The following NUP43 variants were observed in gnomAD, a reference collection of about 807,000 sequenced individuals.
NUP43 encodes the protein nucleoporin 43.
Under a neutral mutation model 47.3 loss-of-function variants are expected in NUP43, and 32 were observed. The observed-to-expected ratio is 0.68, with a 90% CI of 0.51 to 0.91. The LOEUF is 0.91. NUP43 is among the 40% of genes least tolerant of loss of function. NUP43 has a pLI of 0.00. For missense variants in NUP43, 444 were observed against 453.9 expected (o/e 0.98, Z 0.20); for synonymous variants, 147 against 158.4 (o/e 0.93, Z 0.54).
upstream of NUP43, among the ~76,000 whole-genome samples, chr6:149,748,974 G>A (rs1786172637): frequency 6.6e-6 from 1 of 152,284 alleles, no homozygotes; most frequent in Admixed American, 6.5e-5. Context: ...AAGCCACGGT[G>A]GAATTTGTGA....
chr6:149,739,800 C>T (rs1450144202), intron 4 of NUP43, among the ~76,000 whole-genome samples: 3 of 152,118 alleles, frequency 2.0e-5, no homozygotes, highest in Non-Finnish European at 4.4e-5. Context: ...GCAGACTCAT[C>T]CCAAATCTAC....
intron 3 of NUP43, 51 bp from the exon 4 acceptor site, chr6:149,742,621 C>T: frequency 7.5e-7 from 1 of 1,324,894 alleles, no homozygotes; most frequent in Non-Finnish European, 1.1e-6. Context: ...AAGGAATTAG[C>T]ACTTCTTCCC....
chr6:149,744,910 T>TTTA (rs1477318225), intron 2 of NUP43, among the ~76,000 whole-genome samples: 3 of 150,330 alleles, frequency 2.0e-5, no homozygotes, highest in Admixed American at 6.6e-5. Context: ...TATTTATTTA[T>TTTA]TTATTATTAT....
At chr6:149,730,329 A>G (rs1429653400) in intron 7 of NUP43, among the ~76,000 whole-genome samples, 1 of 152,154 alleles carries the variant, frequency 6.6e-6, no homozygotes, top group Non-Finnish European at 1.5e-5. Flanking sequence ...CCATTTAACC[A>G]GTACCCTCAG....
At chr6:149,728,236 T>TC in intron 7 of NUP43, 1 of 977,972 alleles carries the variant, frequency 1.0e-6, no homozygotes, top group Non-Finnish European at 1.2e-6. Context: ...TTTTACTTTT[T>TC]CACAGTGTCT....
At chr6:149,743,579 A>G in intron 3 of NUP43, 59 bp downstream of exon 3, 1 of 1,119,986 alleles carries the variant, frequency 8.9e-7, no homozygotes, top group Non-Finnish European at 1.3e-6. Context: ...CGCGGGCAAC[A>G]AGAGCAAAAC....
intron 5 of NUP43, among the ~76,000 whole-genome samples, chr6:149,738,264 T>G (rs549048156): frequency 2.0e-5 from 3 of 152,334 alleles, no homozygotes; most frequent in African/African-American, 7.2e-5. Flanking sequence ...ACATTCTATT[T>G]TCTTACGAGA....
In NUP43 at chr6:149,742,540, C is replaced by G; in HGVS notation, c.352G>C (p.Ala118Pro). Residue 118 changes from alanine to proline, a missense_variant, in exon 4 of 8, where the codon GCT becomes CCT. By Grantham distance (27) the Ala-to-Pro change is conservative. Transcript: ENST00000340413. Reference sequence around the variant, plus strand: ...CTGCCAGGGCCTGTGTGGTAGTGAGCTGTAGTCCACTGCTGGTTGACTGAC... The same window carrying G: ...CTGCCAGGGCCTGTGTGGTAGTGAGGTGTAGTCCACTGCTGGTTGACTGAC... The part of the protein sequence containing the change: ...TLSVNQQWTT[A>P]HYHTGPGSPS... 6.2e-7 allele frequency: 1 copy of G among 1,614,120 alleles called. No individual in the cohort carries two copies. The highest frequency in any genetic ancestry group is 1.1e-5 in the South Asian group (1 of 91,086).
In NUP43 at chr6:149,731,496, G is replaced by A; in HGVS notation, c.913+117C>T. ...GAGAATCGCTTGAACCCAGGAGGCG[G>A]AGGTTGCAGTGAGCTGAGATCGTGC... is the stretch of plus-strand genomic sequence containing the variant. On this transcript the variant is annotated intron_variant, in intron 7 of 7. Coordinates refer to ENST00000340413, the MANE Select transcript of NUP43 (RefSeq NM_198887.3). 5 of 832,554 alleles carry A rather than the reference G, an allele frequency of 6.0e-6. 1 individual carries two copies. The South Asian group carries it at 7.6e-5, about 13-fold the overall frequency. The allele number at this position is 832,554 out of a possible 1,614,324, so 51.6% of individuals were successfully genotyped here. A position where few individuals can be genotyped will look rare whatever the true frequency, so the allele number is the denominator to read the frequency against.
rs760883211 is a variant in NUP43, at chr6:149,736,434, A to G, written c.790+37T>C. 14 of 1,499,136 alleles carry G rather than the reference A, an allele frequency of 9.3e-6. No individual in the cohort carries two copies. In the South Asian group the frequency reaches 1.8e-4, roughly 19 times the overall value. 92.9% of individuals were successfully genotyped at this position (1,499,136 alleles called of 1,614,324 possible). A position where few individuals can be genotyped will look rare whatever the true frequency, so the allele number is the denominator to read the frequency against. On this transcript the variant is annotated intron_variant, in intron 6 of 7. Transcript: ENST00000340413. ...GTGCTTATTATATGTCATATAACTCACCCAATATAAACTTTCTGTATCTTC... is the reference window on the plus strand; with the variant it reads ...GTGCTTATTATATGTCATATAACTCGCCCAATATAAACTTTCTGTATCTTC...
chr6:149,738,011 CA>C (rs1016042660), intron 5 of NUP43, among the ~76,000 whole-genome samples: 2 of 150,876 alleles, frequency 1.3e-5, no homozygotes, highest in African/African-American at 4.9e-5. Flanking sequence ...TTAATGATAC[CA>C]AAAAAAATGA....
At chr6:149,744,186 C>T (rs1403555875) in intron 2 of NUP43, among the ~76,000 whole-genome samples, 1 of 151,920 alleles carries the variant, frequency 6.6e-6, no homozygotes, top group African/African-American at 2.4e-5. Flanking sequence ...TGCATTCCAG[C>T]CTAGTTGACA....
intron 6 of NUP43, among the ~76,000 whole-genome samples, chr6:149,734,477 C>G (rs1264027668): frequency 1.3e-5 from 2 of 151,840 alleles, no homozygotes; most frequent in African/African-American, 4.8e-5. Context: ...TGCATTCCAA[C>G]CTGGGTGAGA....
chr6:149,741,173 ATATTT>A (rs1409950901), intron 4 of NUP43, among the ~76,000 whole-genome samples: 2 of 151,738 alleles, frequency 1.3e-5, no homozygotes, highest in African/African-American at 4.8e-5. Context: ...ATGTGTACAT[ATATTT>A]TATATTTTTT....
chr6:149,736,813 T>G (rs1213249148), intron 5 of NUP43, among the ~76,000 whole-genome samples, 191 bp from the exon 6 acceptor site: 3 of 152,120 alleles, frequency 2.0e-5, no homozygotes, highest in African/African-American at 7.2e-5. Flanking sequence ...CTCAGCCTCC[T>G]GAGTTGCTGG....
chr6:149,742,665 T>A (rs1785730437), intron 3 of NUP43, 95 bp from the exon 4 acceptor site: 3 of 857,246 alleles, frequency 3.5e-6, no homozygotes, highest in Non-Finnish European at 5.4e-6. Flanking sequence ...ACTCACACCC[T>A]TCTACAAGAA....
At chr6:149,727,950 C>T (rs758228024) in intron 7 of NUP43, 4 of 984,988 alleles carry the variant, frequency 4.1e-6, no homozygotes, top group African/African-American at 1.7e-5. Context: ...GTGCCAGGCT[C>T]TGTGCTAAGT....
At chr6:149,737,950 CA>C (rs1785451713) in intron 5 of NUP43, among the ~76,000 whole-genome samples, 1 of 152,186 alleles carries the variant, frequency 6.6e-6, no homozygotes, top group South Asian at 2.1e-4. Flanking sequence ...CTCGGCCTCC[CA>C]AAGTGCTGGG....
chr6:149,729,738 A>AT (rs1159921897), intron 7 of NUP43, among the ~76,000 whole-genome samples: 1 of 152,010 alleles, frequency 6.6e-6, no homozygotes, highest in Non-Finnish European at 1.5e-5. Context: ...TACATTATCT[A>AT]TTTTTTTAAC....
Sources: gnomAD v4.1 joint callset for allele counts (sites outside exome capture counted in the v4.1 genomes callset) on GRCh38, gnomAD v4.1.1 for gene constraint, MANE v1.5 for transcripts, NCBI Gene and HGNC (gene_info 2026-07-23, HGNC 2026-07-21) for gene names.